Variants in DHDDS observed in about 807,000 individuals in gnomAD.
DHDDS encodes dehydrodolichyl diphosphate synthase subunit.
In DHDDS, 16 loss-of-function variants were observed where a neutral mutation model predicts 46.2. That is an observed-to-expected ratio of 0.35 (90% confidence interval 0.23 to 0.53). DHDDS has a LOEUF of 0.53. Ranked by LOEUF, DHDDS falls within the 20% of genes least tolerant of loss-of-function variation. The pLI, the probability that DHDDS is intolerant of heterozygous loss-of-function variation, is 0.94. For missense variants in DHDDS, 340 were observed against 423.7 expected, an observed-to-expected ratio of 0.80 and a Z score of 1.73; for synonymous variants, 151 against 163.1, an observed-to-expected ratio of 0.93 and a Z score of 0.56.
In DHDDS at chr1:26,469,836, G is replaced by A. The variant is rs1285881435; in HGVS notation, c.*705G>A. 1 of 156,622 alleles carries A rather than the reference G, an allele frequency of 6.4e-6. No homozygotes were observed. Among genetic ancestry groups the A allele is most frequent in the African/African-American group, 2.4e-5 (1 of 41,472 alleles). 9.7% of individuals were successfully genotyped at this position (156,622 alleles called of 1,614,324 possible). A position where few individuals can be genotyped will look rare whatever the true frequency, so the allele number is the denominator to read the frequency against. Reference sequence around the variant, plus strand: ...CTTTTCTCCTCCTCTTGCAGGGCATGGGGCCAGGCTCCACTCCCAAATGAG... The same window carrying A: ...CTTTTCTCCTCCTCTTGCAGGGCATAGGGCCAGGCTCCACTCCCAAATGAG... On this transcript the variant is annotated 3_prime_UTR_variant, in exon 9 of 9. Coordinates refer to ENST00000236342, the MANE Select transcript of DHDDS (RefSeq NM_205861.3).
At position 26,446,412 on chromosome 1, in the gene DHDDS, G is replaced by A. The variant is rs1181984052; in HGVS notation, c.420G>A (p.Gln140=). 1.9e-6 allele frequency: 3 copies of A among 1,613,852 alleles called. No individual in the cohort carries two copies. Among genetic ancestry groups the A allele is most frequent in the African/African-American group, 2.7e-5 (2 of 75,004 alleles). The change falls in exon 5 of 9, where the codon CAG becomes CAA. Residue 140 remains glutamine (Q), a synonymous_variant. Transcript: ENST00000236342. ...DLQELIAQAV[Q]ATKNYNKCFL... ...AGGAGCTGATTGCACAAGCTGTACA[G>A]GCCACGAAGAACTACAACAAGTAAG... is the stretch of plus-strand genomic sequence containing the variant.
intron 2 of DHDDS, among the ~76,000 whole-genome samples, chr1:26,437,337 T>C (rs555526510): frequency 1.7e-4 from 26 of 152,194 alleles, no homozygotes; most frequent in African/African-American, 2.9e-4. Flanking sequence ...ACGTGCTCAG[T>C]AAACACGTAA....
chr1:26,462,964 G>C (rs2075440208), intron 8 of DHDDS: 1 of 152,232 alleles, frequency 6.6e-6, no homozygotes, highest in Non-Finnish European at 1.5e-5. Context: ...AGAAAGTAAT[G>C]AAGAGAATGC....
At chr1:26,464,168 T>C (rs993505573) in intron 8 of DHDDS, among the ~76,000 whole-genome samples, 1 of 151,892 alleles carries the variant, frequency 6.6e-6, no homozygotes, top group South Asian at 2.1e-4. Flanking sequence ...AATTTTTGTA[T>C]TTTTAGTAGA....
In DHDDS at chr1:26,454,221, G is replaced by A. The variant is rs544957952; in HGVS notation, c.543-3570G>A. Among the ~76,000 whole-genome samples, 9 of 152,218 alleles carry A rather than the reference G, an allele frequency of 5.9e-5. No homozygotes were observed. In the East Asian group the frequency reaches 1.4e-3, roughly 23 times the overall value. ...GCCCGCCTCGGCCTCCCAAAGTGCT[G>A]GGATTACAGGCGTGAGCCACCGCGC... On this transcript the variant is annotated intron_variant, in intron 6 of 8. Coordinates refer to ENST00000236342, the MANE Select transcript of DHDDS (RefSeq NM_205861.3).
chr1:26,449,747 C>T (rs966252201), intron 6 of DHDDS, among the ~76,000 whole-genome samples: 14 of 151,990 alleles, frequency 9.2e-5, no homozygotes, highest in Non-Finnish European at 1.8e-4. Context: ...TTAGTAGAGA[C>T]GGGGTTTCAC....
intron 4 of DHDDS, among the ~76,000 whole-genome samples, chr1:26,444,117 A>T (rs962764385): frequency 6.6e-6 from 1 of 152,194 alleles, no homozygotes; most frequent in African/African-American, 2.4e-5. Flanking sequence ...TTCCTGCAAG[A>T]TCAAAACGCA....
chr1:26,469,557 T>C lies in DHDDS; in HGVS notation c.*426T>C, dbSNP rs1284494699. The C allele has an allele frequency of 1.2e-5, 3 of 248,938 alleles. No individual in the cohort carries two copies. Among genetic ancestry groups the C allele is most frequent in the Non-Finnish European group, 2.4e-5 (3 of 122,916 alleles). The allele number at this position is 248,938 out of a possible 1,614,324, so 15.4% of individuals were successfully genotyped here. On this transcript the variant is annotated 3_prime_UTR_variant, in exon 9 of 9. Coordinates refer to ENST00000236342, the MANE Select transcript of DHDDS (RefSeq NM_205861.3). ...CTTCCACAAAAGATTTGGCTCTACC[T>C]TGGATCTGCTAGTAAATAACTAATA...
chr1:26,452,895 T>A (rs1301430409), intron 6 of DHDDS, among the ~76,000 whole-genome samples: 3 of 152,126 alleles, frequency 2.0e-5, no homozygotes, highest in Non-Finnish European at 2.9e-5. Flanking sequence ...GCCCTGGAGT[T>A]TGAGACCAGC....
rs1406034753 is a variant in DHDDS at position 26,469,607 on chromosome 1, A to T, written c.*476A>T. Reference sequence around the variant, plus strand: ...AGGCAGGCAGTTATTTGGGTAAGGAAAAAAGGGGTGGGAGAGACAGAAAAT... The same window carrying T: ...AGGCAGGCAGTTATTTGGGTAAGGATAAAAGGGGTGGGAGAGACAGAAAAT... On this transcript the variant is annotated 3_prime_UTR_variant, in exon 9 of 9. Coordinates refer to ENST00000236342, the MANE Select transcript of DHDDS (RefSeq NM_205861.3). The T allele has an allele frequency of 4.2e-6, 1 of 237,342 alleles. No homozygotes were observed. Among genetic ancestry groups the T allele is most frequent in the Non-Finnish European group, 8.6e-6 (1 of 116,772 alleles). 14.7% of individuals were successfully genotyped at this position (237,342 alleles called of 1,614,324 possible).
At position 26,470,315 on chromosome 1, in the gene DHDDS, C is replaced by CT. The variant is rs10667472; in HGVS notation, c.*1201dup. ...CTCTTTAAAGTCCATTTTCCTTCTTCTTTTTTTTTTTTTTTTTGGAGACAG... is the reference window on the plus strand; with the variant it reads ...CTCTTTAAAGTCCATTTTCCTTCTTCTTTTTTTTTTTTTTTTTTGGAGACAG... On this transcript the variant is annotated 3_prime_UTR_variant, in exon 9 of 9. Coordinates refer to ENST00000236342, the MANE Select transcript of DHDDS (RefSeq NM_205861.3). The CT allele has an allele frequency of 0.024, 3,208 of 132,850 alleles. 72 individuals are homozygous for CT. The highest frequency in any genetic ancestry group is 0.034 in the Non-Finnish European group (2,116 of 63,080). The allele number at this position is 132,850 out of a possible 1,614,324, so 8.2% of individuals were successfully genotyped here.
At chr1:26,465,289 A>G (rs527675129) in intron 8 of DHDDS, among the ~76,000 whole-genome samples, 27 of 152,322 alleles carry the variant, frequency 1.8e-4, no homozygotes, top group African/African-American at 6.3e-4. Context: ...ATTGAACATT[A>G]TATTTCTTCT....
intron 8 of DHDDS, among the ~76,000 whole-genome samples, chr1:26,464,048 A>G (rs986642155): frequency 3.5e-5 from 5 of 142,056 alleles, no homozygotes; most frequent in African/African-American, 1.3e-4. Context: ...GCTGGAGAAC[A>G]GTGGCATGAT....
At chr1:26,464,022 G>A (rs1301661305) in intron 8 of DHDDS, among the ~76,000 whole-genome samples, 3 of 127,736 alleles carry the variant, frequency 2.3e-5, no homozygotes, top group Admixed American at 8.6e-5. Flanking sequence ...TTTTTGAGAC[G>A]GAATCTCACT....
intron 6 of DHDDS, among the ~76,000 whole-genome samples, chr1:26,457,008 G>GATGT (rs1570355926): frequency 2.6e-5 from 4 of 152,106 alleles, no homozygotes; most frequent in Admixed American, 1.3e-4. Context: ...TGGGCCATAG[G>GATGT]ATGTATGTAT....
rs1006936586 is a variant in DHDDS, at chr1:26,460,289, T to C, written c.765+145T>C. ...TAGCTACCACCTACTGAGTATCTAC[T>C]ACTTGTCAGGCACTGCGAACATTTT... On this transcript the variant is annotated intron_variant, in intron 8 of 8. Coordinates refer to ENST00000236342, the MANE Select transcript of DHDDS (RefSeq NM_205861.3). 5.5e-6 allele frequency: 4 copies of C among 732,326 alleles called. 1 individual carries two copies. Among genetic ancestry groups the C allele is most frequent in the South Asian group, 4.5e-5 (3 of 67,184 alleles). The allele number at this position is 732,326 out of a possible 1,614,324, so 45.4% of individuals were successfully genotyped here.
At chr1:26,451,636 T>C (rs2075322193) in intron 6 of DHDDS, among the ~76,000 whole-genome samples, 4 of 149,994 alleles carry the variant, frequency 2.7e-5, no homozygotes, top group Admixed American at 2.6e-4. Flanking sequence ...TTTTTCTTTT[T>C]TTTTTTTTTT....
chr1:26,449,978 G>A (rs1312844170), intron 6 of DHDDS, among the ~76,000 whole-genome samples: 1 of 152,232 alleles, frequency 6.6e-6, no homozygotes, highest in East Asian at 1.9e-4. Context: ...ATGTTGAACA[G>A]AGATGTCAGG....
intron 2 of DHDDS, among the ~76,000 whole-genome samples, chr1:26,434,801 C>G (rs572402246): frequency 6.6e-6 from 1 of 150,750 alleles, no homozygotes; most frequent in Non-Finnish European, 1.5e-5. Context: ...TTATAGGCAC[C>G]GGCCACCATG....
Sources: gnomAD v4.1 joint callset for allele counts (sites outside exome capture counted in the v4.1 genomes callset) on GRCh38, gnomAD v4.1.1 for gene constraint, MANE v1.5 for transcripts, NCBI Gene and HGNC (gene_info 2026-07-23, HGNC 2026-07-21) for gene names.